The following PLEKHG3 variants were observed in gnomAD, a reference collection of about 807,000 sequenced individuals.
PLEKHG3 encodes pleckstrin homology and RhoGEF domain containing G3.
Under a neutral mutation model 94.9 loss-of-function variants are expected in PLEKHG3, and 62 were observed. The ratio of observed to expected loss-of-function variants is 0.65; its 90% CI spans 0.53 to 0.81. PLEKHG3 has a LOEUF of 0.81. Ranked by LOEUF, PLEKHG3 falls within the 30% of genes least tolerant of loss-of-function variation. The pLI is 0.00. For missense variants in PLEKHG3, 1,461 were observed against 1,619.3 expected, an observed-to-expected ratio of 0.90 and a Z score of 1.68; for synonymous variants, 614 against 654.0, an observed-to-expected ratio of 0.94 and a Z score of 0.93.
In PLEKHG3 at chr14:64,729,073, A is replaced by G; in HGVS notation, c.429A>G (p.Glu143=). 10 of 1,511,746 alleles carry G rather than the reference A, an allele frequency of 6.6e-6. No homozygotes were observed. Among genetic ancestry groups the G allele is most frequent in the Non-Finnish European group, 8.0e-6 (9 of 1,125,134 alleles). The allele number at this position is 1,511,746 out of a possible 1,614,324, so 93.6% of individuals were successfully genotyped here. A position where few individuals can be genotyped will look rare whatever the true frequency, so the allele number is the denominator to read the frequency against. ...TCAGCGCCCTCTTTGGGAACATAGA[A>G]AATATCTACGCGCTGAACAGGTGTG... ...EQVSALFGNI[E]NIYALNSQLL... The change falls in exon 3 of 17, where the codon GAA becomes GAG. Residue 143 remains glutamate (E), a synonymous_variant. Coordinates refer to ENST00000247226, the MANE Select transcript of PLEKHG3 (RefSeq NM_001308147.2).
chr14:64,710,476 C>T (rs751165537), intron 1 of PLEKHG3, among the ~76,000 whole-genome samples: 13 of 152,116 alleles, frequency 8.5e-5, no homozygotes, highest in Non-Finnish European at 1.8e-4. Context: ...TTGAGACCAG[C>T]TTGGCCAACA....
chr14:64,732,466 T>C lies in PLEKHG3; in HGVS notation c.1246+6T>C. 1 of 1,612,520 alleles carries C rather than the reference T, an allele frequency of 6.2e-7. No individual in the cohort carries two copies. The stretch of plus-strand genomic sequence containing the variant: ...CTTGGAAATGGATTCCTATTGTAAG[T>C]GTACCCTTTTCTGCCTGTTTTGTCC... On this transcript the variant is annotated splice_donor_region_variant and intron_variant, in intron 11 of 16. Transcript: ENST00000247226. The surrounding 1 kb of genome is among the most constrained non-coding windows in gnomAD (Gnocchi z 4.9).
Position 64,731,584 on chromosome 14 carries a change from CT to C in PLEKHG3, c.1032+43del. 6.3e-7 allele frequency: 1 copy of C among 1,596,822 alleles called. No homozygotes were observed. The highest frequency in any genetic ancestry group is 8.6e-7 in the Non-Finnish European group (1 of 1,164,620). On this transcript the variant is annotated intron_variant, in intron 8 of 16. Transcript: ENST00000247226. The surrounding 1 kb of genome is among the most constrained non-coding windows in gnomAD (Gnocchi z 6.1). Reference sequence around the variant, plus strand: ...CCCATCTCCTCTGCCATCTTCTCTCCTTCCCAAAGGATCTGGGCTCCCCTTC... The same window carrying C: ...CCCATCTCCTCTGCCATCTTCTCTCCTCCCAAAGGATCTGGGCTCCCCTTC...
In PLEKHG3 at chr14:64,749,388, A is replaced by AG; in HGVS notation, c.*5689dup. 1 of 1,609,920 alleles carries AG rather than the reference A, an allele frequency of 6.2e-7. No individual in the cohort carries two copies. The highest frequency in any genetic ancestry group is 8.5e-7 in the Non-Finnish European group (1 of 1,179,770). ...GGCGTCGGGGCCGGAGAGGGAAGGC[A>AG]GGGGCAGGCTCTGCGCCTTGACGCG... On this transcript the variant is annotated 3_prime_UTR_variant, in exon 17 of 17. Transcript: ENST00000247226. The surrounding 1 kb of genome is among the most constrained non-coding windows in gnomAD (Gnocchi z 4.7).
chr14:64,736,866 C>T lies in PLEKHG3; in HGVS notation c.1359C>T (p.His453=). 6.2e-7 allele frequency: 1 copy of T among 1,613,322 alleles called. No homozygotes were observed. The highest frequency in any genetic ancestry group is 8.5e-7 in the Non-Finnish European group (1 of 1,179,350). The change falls in exon 13 of 17, where the codon CAC becomes CAT. Residue 453 remains histidine, a synonymous_variant. Transcript: ENST00000247226. ...TTTCCTCCTCAGAGCCAACCAAACACCTGCTCAGGCAACTCAACGAGAAAG... is the reference window on the plus strand; with the variant it reads ...TTTCCTCCTCAGAGCCAACCAAACATCTGCTCAGGCAACTCAACGAGAAAG... ...QGRRQSEPTK[H]LLRQLNEKAR... is the part of the protein sequence containing the mutation.
In PLEKHG3 at chr14:64,749,497, G is replaced by T; in HGVS notation, c.*5794G>T. 1 of 1,598,088 alleles carries T rather than the reference G, an allele frequency of 6.3e-7. No individual in the cohort carries two copies. Among genetic ancestry groups the T allele is most frequent in the Non-Finnish European group, 8.5e-7 (1 of 1,177,716 alleles). On this transcript the variant is annotated 3_prime_UTR_variant, in exon 17 of 17. Coordinates refer to ENST00000247226, the MANE Select transcript of PLEKHG3 (RefSeq NM_001308147.2). The surrounding 1 kb of genome is among the most constrained non-coding windows in gnomAD (Gnocchi z 4.7). The stretch of plus-strand genomic sequence containing the variant: ...TCCTGCGGGGCGGAGGGTCACGGTG[G>T]AGTCTGGAGGCCCACAGCCCCCCAC...
chr14:64,711,506 C>T lies in PLEKHG3; in HGVS notation c.-40+6802C>T, dbSNP rs1038263142. Among the ~76,000 whole-genome samples, 10 of 152,086 alleles carry T rather than the reference C, an allele frequency of 6.6e-5. No individual in the cohort carries two copies. The East Asian group carries it at 9.7e-4, about 15-fold the overall frequency. ...TCGGCTCACTGCAAGCTCCGTCTCC[C>T]GTGTTCATGCCATTCTCCTGCCTCA... is the stretch of plus-strand genomic sequence containing the variant. On this transcript the variant is annotated intron_variant, in intron 1 of 16. Transcript: ENST00000247226.
Position 64,730,597 on chromosome 14 carries a change from C to CA in PLEKHG3, c.520-42dup. ...TATCTGCTACCACCATCTTTACTGT[C>CA]AAATGAGAATCTCCCTGAAATCACT... On this transcript the variant is annotated intron_variant, in intron 4 of 16. Coordinates refer to ENST00000247226, the MANE Select transcript of PLEKHG3 (RefSeq NM_001308147.2). The surrounding 1 kb of genome is among the most constrained non-coding windows in gnomAD (Gnocchi z 5.4). The CA allele has an allele frequency of 2.0e-6, 3 of 1,528,222 alleles. No homozygotes were observed. The highest frequency in any genetic ancestry group is 2.7e-6 in the Non-Finnish European group (3 of 1,102,276). 94.7% of individuals were successfully genotyped at this position (1,528,222 alleles called of 1,614,324 possible). A position where few individuals can be genotyped will look rare whatever the true frequency, so the allele number is the denominator to read the frequency against.
chr14:64,736,705 G>T (rs2081577006), intron 12 of PLEKHG3, 148 bp from the exon 13 acceptor site: 2 of 705,558 alleles, frequency 2.8e-6, no homozygotes, highest in East Asian at 2.6e-5. Flanking sequence ...ACTGTGGAAG[G>T]CAGCTTCCCT....
rs563892602 is a variant in PLEKHG3, at chr14:64,716,290, T to G, written c.-39-11303T>G. Among the ~76,000 whole-genome samples, 6 of 152,228 alleles carry G rather than the reference T, an allele frequency of 3.9e-5. No homozygotes were observed. The highest frequency in any genetic ancestry group is 1.4e-4 in the African/African-American group (6 of 41,524). On this transcript the variant is annotated intron_variant, in intron 1 of 16. Transcript: ENST00000247226. This position sits in a 1 kb window ranked among gnomAD's most constrained non-coding sequence, Gnocchi z 5.0. Reference sequence around the variant, plus strand: ...GGGAGCAGGCATAGGTGAGCTGCTCTTCTTAGTGGACTGTCATGTGTCTGG... The same window carrying G: ...GGGAGCAGGCATAGGTGAGCTGCTCGTCTTAGTGGACTGTCATGTGTCTGG...
At chr14:64,719,313 C>T (rs1594671263) in intron 1 of PLEKHG3, among the ~76,000 whole-genome samples, 5 of 151,740 alleles carry the variant, frequency 3.3e-5, no homozygotes, top group African/African-American at 1.2e-4. Context: ...GCTTGCAGAA[C>T]AAATAAGTGA....
Position 64,731,908 on chromosome 14 carries a change from G to A in PLEKHG3, c.1125+102G>A. 1 of 923,586 alleles carries A rather than the reference G, an allele frequency of 1.1e-6. No individual in the cohort carries two copies. Among genetic ancestry groups the A allele is most frequent in the Non-Finnish European group, 1.8e-6 (1 of 570,868 alleles). The allele number at this position is 923,586 out of a possible 1,614,324, so 57.2% of individuals were successfully genotyped here. A position where few individuals can be genotyped will look rare whatever the true frequency, so the allele number is the denominator to read the frequency against. ...GCTCACCTAGCTGCCCCAAGCCCCA[G>A]TGTCTCCATCTGTGAGGCAAGGATC... On this transcript the variant is annotated intron_variant, in intron 9 of 16. Coordinates refer to ENST00000247226, the MANE Select transcript of PLEKHG3 (RefSeq NM_001308147.2). This position sits in a 1 kb window ranked among gnomAD's most constrained non-coding sequence, Gnocchi z 6.1.
At chr14:64,740,914 C>T (rs1369177613) in intron 15 of PLEKHG3, 122 bp from the exon 16 acceptor site, 2 of 738,794 alleles carry the variant, frequency 2.7e-6, no homozygotes. Flanking sequence ...ATTCTGATTG[C>T]CTTGAGTCCT....
Position 64,741,101 on chromosome 14 carries a change from C to T in PLEKHG3, c.1584C>T (p.Ala528=), listed in dbSNP as rs17767238. ...TTTCTGCTGTGGAAGGGCCCAGTGCCGAGGAGACGCCTTCAGACACAGAAT... is the reference window on the plus strand; with the variant it reads ...TTTCTGCTGTGGAAGGGCCCAGTGCTGAGGAGACGCCTTCAGACACAGAAT... ...EVFSAVEGPS[A]EETPSDTESP... is the part of the protein sequence containing the mutation. The change falls in exon 16 of 17, where the codon GCC becomes GCT. Residue 528 remains alanine, a synonymous_variant. Coordinates refer to ENST00000247226, the MANE Select transcript of PLEKHG3 (RefSeq NM_001308147.2). 0.05 allele frequency: 80,726 copies of T among 1,613,510 alleles called. 2,348 individuals are homozygous for T. Among genetic ancestry groups the T allele is most frequent in the Non-Finnish European group, 0.059 (69,289 of 1,179,582 alleles).
chr14:64,731,188 GCTGGGGGAGGGGCAGGGC>G lies in PLEKHG3; in HGVS notation c.849+20_849+37del. 6.3e-7 allele frequency: 1 copy of G among 1,597,118 alleles called. No homozygotes were observed. Among genetic ancestry groups the G allele is most frequent in the Non-Finnish European group, 8.6e-7 (1 of 1,167,294 alleles). On this transcript the variant is annotated intron_variant, in intron 7 of 16. Coordinates refer to ENST00000247226, the MANE Select transcript of PLEKHG3 (RefSeq NM_001308147.2). This position sits in a 1 kb window ranked among gnomAD's most constrained non-coding sequence, Gnocchi z 6.1. Reference sequence around the variant, plus strand: ...GCTCCAGGTGCTCTGGGGCTGGGACGCTGGGGGAGGGGCAGGGCTGGGTGGGCCAGGCTTCCGCTGGGA... The same window carrying G: ...GCTCCAGGTGCTCTGGGGCTGGGACGTGGGTGGGCCAGGCTTCCGCTGGGA...
In PLEKHG3 at chr14:64,716,049, G is replaced by A. The variant is rs763808279; in HGVS notation, c.-40+11345G>A. ...GGACAATGCGGCTGCCCGGCCCCTC[G>A]CCACCCTCGTGGTGCCCGGATGGGA... is the stretch of plus-strand genomic sequence containing the variant. On this transcript the variant is annotated intron_variant, in intron 1 of 16. Transcript: ENST00000247226. This position sits in a 1 kb window ranked among gnomAD's most constrained non-coding sequence, Gnocchi z 5.0. 8 of 456,198 alleles carry A rather than the reference G, an allele frequency of 1.8e-5. No homozygotes were observed. Among genetic ancestry groups the A allele is most frequent in the South Asian group, 9.3e-5 (6 of 64,550 alleles). 28.3% of individuals were successfully genotyped at this position (456,198 alleles called of 1,614,324 possible).
rs1555359440 is a variant in PLEKHG3, at chr14:64,716,496, A to ACACACACACACAC, written c.-39-11097_-39-11096insCACACACACACAC. 2.5e-5 allele frequency among the ~76,000 whole-genome samples: 2 copies of ACACACACACACAC among 79,500 alleles called. No individual in the cohort carries two copies. Among genetic ancestry groups the ACACACACACACAC allele is most frequent in the African/African-American group, 1.0e-4 (2 of 19,598 alleles). 52.2% of individuals were successfully genotyped at this position (79,500 alleles called of 152,430 possible). On this transcript the variant is annotated intron_variant, in intron 1 of 16. Coordinates refer to ENST00000247226, the MANE Select transcript of PLEKHG3 (RefSeq NM_001308147.2). The surrounding 1 kb of genome is among the most constrained non-coding windows in gnomAD (Gnocchi z 5.0). ...ACACACACACAACACACACACACAC[A>ACACACACACACAC]ACACACACACACACACACACACACA...
chr14:64,729,401 G>T (rs890031380), intron 3 of PLEKHG3, among the ~76,000 whole-genome samples: 1 of 152,190 alleles, frequency 6.6e-6, no homozygotes, highest in Non-Finnish European at 1.5e-5. Flanking sequence ...AACCTTCCCT[G>T]TCCTTCTCAT....
chr14:64,749,621 TAGCC>T lies in PLEKHG3; in HGVS notation c.*5921_*5924del, dbSNP rs767427013. The T allele has an allele frequency of 2.2e-5, 36 of 1,612,830 alleles. No individual in the cohort carries two copies. In the African/African-American group the frequency reaches 4.5e-4, roughly 20 times the overall value. The stretch of plus-strand genomic sequence containing the variant: ...TGGGGTCCTCCACCTACCCCCTTCT[TAGCC>T]AGGTCTGGGCTAGGCTGCCCGCGCT... On this transcript the variant is annotated 3_prime_UTR_variant, in exon 17 of 17. Coordinates refer to ENST00000247226, the MANE Select transcript of PLEKHG3 (RefSeq NM_001308147.2). The surrounding 1 kb of genome is among the most constrained non-coding windows in gnomAD (Gnocchi z 4.7).
Sources: allele counts gnomAD v4.1 joint callset (sites outside exome capture counted in the v4.1 genomes callset), GRCh38; gene constraint gnomAD v4.1.1; non-coding constraint Gnocchi (gnomAD v3.1); transcripts MANE v1.5; gene names NCBI Gene and HGNC (gene_info 2026-07-23, HGNC 2026-07-21).